Variants in CMTR1 observed in about 807,000 individuals in gnomAD.
The protein encoded by CMTR1 is cap methyltransferase 1.
In CMTR1, 39 loss-of-function variants were observed where a neutral mutation model predicts 107.0. The observed-to-expected ratio is 0.36, with a 90% CI of 0.28 to 0.48. CMTR1 has a LOEUF of 0.48. Ranked by LOEUF, CMTR1 falls within the 20% of genes least tolerant of loss-of-function variation. The pLI, the probability that CMTR1 is intolerant of heterozygous loss-of-function variation, is 0.99. For synonymous variants in CMTR1, 366 were observed against 379.5 expected, an observed-to-expected ratio of 0.96 and a Z score of 0.41; for missense variants, 672 against 1,064.9, an observed-to-expected ratio of 0.63 and a Z score of 5.14.
chr6:37,469,461 AT>A (rs1180406902), intron 13 of CMTR1, among the ~76,000 whole-genome samples: 2 of 132,886 alleles, frequency 1.5e-5, no homozygotes, highest in Non-Finnish European at 3.2e-5. Flanking sequence ...CTGTGGATTG[AT>A]TTCATTCAAC....
At chr6:37,425,252 A>G in the CMTR1 span, among the ~76,000 whole-genome samples, 3 of 149,064 alleles carry the variant, frequency 2.0e-5, no homozygotes, top group Admixed American at 6.7e-5. Context: ...TTTTCTGGAT[A>G]TAGAATTCTT....
At chr6:37,443,428 C>T (rs1467988173) in intron 2 of CMTR1, among the ~76,000 whole-genome samples, 2 of 151,476 alleles carry the variant, frequency 1.3e-5, no homozygotes, top group Admixed American at 6.6e-5. Context: ...AATTTCGGCT[C>T]ACTGCAACTT....
At chr6:37,441,983 T>C (rs1771686983) in intron 2 of CMTR1, among the ~76,000 whole-genome samples, 1 of 152,240 alleles carries the variant, frequency 6.6e-6, no homozygotes. Flanking sequence ...AACCAAAATT[T>C]ATCCTTGCTA....
At position 37,475,307 on chromosome 6, in the gene CMTR1, A is replaced by G. The variant is rs752651366; in HGVS notation, c.1945-14A>G. 1 of 1,609,496 alleles carries G rather than the reference A, an allele frequency of 6.2e-7. No homozygotes were observed. Among genetic ancestry groups the G allele is most frequent in the South Asian group, 1.1e-5 (1 of 90,456 alleles). On this transcript the variant is annotated splice_polypyrimidine_tract_variant and intron_variant, in intron 18 of 23. Transcript: ENST00000373451. ...ACCTGGCAGAGTGGGCAGTGTACCT[A>G]CTTATCCTTCTAGGGGAAGGCCCAG...
At chr6:37,435,861 G>T (rs1165874981) in intron 2 of CMTR1, 99 bp downstream of exon 2, 1 of 1,279,768 alleles carries the variant, frequency 7.8e-7, no homozygotes, top group African/African-American at 1.6e-5. Context: ...CTGCCCCTTG[G>T]TCCCTTGAGG....
intron 13 of CMTR1, among the ~76,000 whole-genome samples, chr6:37,469,403 T>C (rs1466516068): frequency 6.6e-6 from 1 of 152,076 alleles, no homozygotes; most frequent in African/African-American, 2.4e-5. Flanking sequence ...TATATTTATA[T>C]GTGGTTTTCT....
chr6:37,427,190 T>G, the CMTR1 span, among the ~76,000 whole-genome samples: 1 of 152,194 alleles, frequency 6.6e-6, no homozygotes, highest in Non-Finnish European at 1.5e-5. The surrounding 1 kb of genome is among the most constrained non-coding windows in gnomAD (Gnocchi z 4.4). Context: ...TTCTTCTGGA[T>G]GTTGCAGCCC....
At chr6:37,474,734 G>A in intron 18 of CMTR1, 88 bp downstream of exon 18, 8 of 1,560,632 alleles carry the variant, frequency 5.1e-6, no homozygotes, top group Non-Finnish European at 6.1e-6. Context: ...AGTTAACTTG[G>A]TTACATTGTG....
Position 37,443,995 on chromosome 6 carries a change from T to C in CMTR1, c.134-4T>C, listed in dbSNP as rs1225649078. On this transcript the variant is annotated splice_polypyrimidine_tract_variant and splice_region_variant and intron_variant, in intron 2 of 23. Coordinates refer to ENST00000373451, the MANE Select transcript of CMTR1 (RefSeq NM_015050.3). ...ACCTAAACATTTTCCTTTTTCTTTT[T>C]CAGCATCTACTACAAGCCTTAGTGG... 6.2e-7 allele frequency: 1 copy of C among 1,610,486 alleles called. No individual in the cohort carries two copies. Among genetic ancestry groups the C allele is most frequent in the Non-Finnish European group, 8.5e-7 (1 of 1,179,166 alleles).
rs1187084579 is a variant in CMTR1 at position 37,477,136 on chromosome 6, G to A, written c.2106-456G>A. Among the ~76,000 whole-genome samples, 9 of 152,204 alleles carry A rather than the reference G, an allele frequency of 5.9e-5. No individual in the cohort carries two copies. In the East Asian group the frequency reaches 7.7e-4, roughly 13 times the overall value. ...CATTCTTGTTAGGGTTTCCCCACCC[G>A]CTGTGGGTAATAGGACTATTAGGAC... On this transcript the variant is annotated intron_variant, in intron 20 of 23. Transcript: ENST00000373451.
intron 23 of CMTR1, among the ~76,000 whole-genome samples, chr6:37,479,773 C>T (rs1442272086): frequency 6.6e-6 from 1 of 152,224 alleles, no homozygotes; most frequent in Admixed American, 6.5e-5. Flanking sequence ...ACAGATAAGT[C>T]AGGAATATCA....
Position 37,439,605 on chromosome 6 carries a change from C to T in CMTR1, c.133+3843C>T, listed in dbSNP as rs544052178. Among the ~76,000 whole-genome samples, 248 of 152,318 alleles carry T rather than the reference C, an allele frequency of 1.6e-3. 1 individual carries two copies. The highest frequency in any genetic ancestry group is 5.5e-3 in the African/African-American group (227 of 41,550). On this transcript the variant is annotated intron_variant, in intron 2 of 23. Transcript: ENST00000373451. ...TTTATCGGTATCTGTTTAAATTGCTCTAACAAGTTACCATTTGTCTGGCAT... is the reference window on the plus strand; with the variant it reads ...TTTATCGGTATCTGTTTAAATTGCTTTAACAAGTTACCATTTGTCTGGCAT...
Position 37,453,443 on chromosome 6 carries a change from C to G in CMTR1, c.777+131C>G, listed in dbSNP as rs765068505. On this transcript the variant is annotated intron_variant, in intron 8 of 23. Transcript: ENST00000373451. ...TGATGGAGATACTTTGCTTTGAGCTCCTCAGATAGGGTCCCACAGTGCTTC... is the reference window on the plus strand; with the variant it reads ...TGATGGAGATACTTTGCTTTGAGCTGCTCAGATAGGGTCCCACAGTGCTTC... 93 of 844,766 alleles carry G rather than the reference C, an allele frequency of 1.1e-4. 1 individual carries two copies. The highest frequency in any genetic ancestry group is 1.7e-4 in the Non-Finnish European group (87 of 513,040). The allele number at this position is 844,766 out of a possible 1,614,324, so 52.3% of individuals were successfully genotyped here. A position where few individuals can be genotyped will look rare whatever the true frequency, so the allele number is the denominator to read the frequency against.
intron 8 of CMTR1, among the ~76,000 whole-genome samples, chr6:37,457,947 C>T (rs1761330219): frequency 6.6e-6 from 1 of 152,098 alleles, no homozygotes; most frequent in Admixed American, 6.5e-5. Context: ...CTCTTTTTCC[C>T]TATCTGTATA....
At chr6:37,467,518 T>C (rs973045051) in intron 13 of CMTR1, among the ~76,000 whole-genome samples, 1 of 152,216 alleles carries the variant, frequency 6.6e-6, no homozygotes, top group Non-Finnish European at 1.5e-5. Context: ...AAATCTTAAC[T>C]GATATTTTGA....
chr6:37,463,133 G>C, intron 13 of CMTR1, 125 bp downstream of exon 13: 1 of 995,720 alleles, frequency 1.0e-6, no homozygotes, highest in East Asian at 2.4e-5. Flanking sequence ...ACTGGGTTTG[G>C]TCTGCTGGTT....
In CMTR1 at chr6:37,436,154, C is replaced by CT. The variant is rs1331664682; in HGVS notation, c.133+399dup. Among the ~76,000 whole-genome samples the CT allele has an allele frequency of 5.3e-5, 8 of 152,266 alleles. No individual in the cohort carries two copies. The South Asian group carries it at 1.7e-3, about 32-fold the overall frequency. On this transcript the variant is annotated intron_variant, in intron 2 of 23. Transcript: ENST00000373451. ...CTGCGGCCGTCGAGCCTAATTTTCA[C>CT]TTTTTTTGCATGCATACCGTTTTCT...
chr6:37,428,052 G>GAA, the CMTR1 span, among the ~76,000 whole-genome samples: 1 of 134,796 alleles, frequency 7.4e-6, no homozygotes, highest in African/African-American at 3.0e-5. Context: ...GAGAGAGAGA[G>GAA]AGAGAGAGAA....
rs142929855 is a variant in CMTR1 at position 37,472,922 on chromosome 6, G to A, written c.1689+435G>A. On this transcript the variant is annotated intron_variant, in intron 16 of 23. Coordinates refer to ENST00000373451, the MANE Select transcript of CMTR1 (RefSeq NM_015050.3). This position sits in a 1 kb window ranked among gnomAD's most constrained non-coding sequence, Gnocchi z 4.1. The stretch of plus-strand genomic sequence containing the variant: ...TTCTTTGTCTTATTTCTGGTGAGCT[G>A]GTCCTCAGAGTTCTTTTGCCCTGTT... Among the ~76,000 whole-genome samples the A allele has an allele frequency of 5.4e-4, 82 of 152,250 alleles. No homozygotes were observed. The highest frequency in any genetic ancestry group is 1.9e-3 in the African/African-American group (77 of 41,544).
Sources: allele counts gnomAD v4.1 joint callset (sites outside exome capture counted in the v4.1 genomes callset), GRCh38; gene constraint gnomAD v4.1.1; non-coding constraint Gnocchi (gnomAD v3.1); transcripts MANE v1.5; gene names NCBI Gene and HGNC (gene_info 2026-07-23, HGNC 2026-07-21).